The following ARHGAP26 variants were observed in gnomAD, a reference collection of about 807,000 sequenced individuals.
ARHGAP26 encodes Rho GTPase activating protein 26, also known as rho GTPase-activating protein 26.
Under a neutral mutation model 104.8 loss-of-function variants are expected in ARHGAP26, and 38 were observed. The ratio of observed to expected loss-of-function variants is 0.36; its 90% CI spans 0.28 to 0.48. The LOEUF (loss-of-function observed/expected upper bound fraction) is 0.48. Among genes scored for constraint, ARHGAP26 ranks in the 20% least tolerant of loss-of-function variants. ARHGAP26 has a pLI of 0.99. For synonymous variants in ARHGAP26, 341 were observed against 340.0 expected (o/e 1.00, Z -0.03); for missense variants, 704 against 947.9 (o/e 0.74, Z 3.38).
chr5:142,848,537 C>T (rs1410639535), intron 1 of ARHGAP26, among the ~76,000 whole-genome samples: 1 of 152,156 alleles, frequency 6.6e-6, no homozygotes, highest in Non-Finnish European at 1.5e-5. Context: ...TGAGTGCAGG[C>T]GCTCCTCACT....
At chr5:142,994,781 G>A (rs551630698) in intron 11 of ARHGAP26, among the ~76,000 whole-genome samples, 3 of 152,318 alleles carry the variant, frequency 2.0e-5, no homozygotes, top group African/African-American at 7.2e-5. Flanking sequence ...CATGCATAGT[G>A]CCAGCTGCTC....
rs542867534 is a variant in ARHGAP26, at chr5:142,814,848, C to T, written c.154+43933C>T. 1.4e-3 allele frequency among the ~76,000 whole-genome samples: 207 copies of T among 152,278 alleles called. 1 individual carries two copies. The highest frequency in any genetic ancestry group is 4.8e-3 in the African/African-American group (201 of 41,546). On this transcript the variant is annotated intron_variant, in intron 1 of 22. Coordinates refer to ENST00000645722, the MANE Select transcript of ARHGAP26 (RefSeq NM_001135608.3). The stretch of plus-strand genomic sequence containing the variant: ...GTTGTGACAATCAGATGAGATAATG[C>T]GTTAGTGCCTGTAGACAATGCTCAA...
At chr5:143,191,088 A>G (rs1447080292) in intron 20 of ARHGAP26, among the ~76,000 whole-genome samples, 1 of 152,238 alleles carries the variant, frequency 6.6e-6, no homozygotes, top group East Asian at 1.9e-4. Flanking sequence ...TGATGGTGGC[A>G]TTATAAAACT....
chr5:143,110,305 C>T (rs1397768878), intron 17 of ARHGAP26, among the ~76,000 whole-genome samples: 2 of 152,224 alleles, frequency 1.3e-5, no homozygotes, highest in African/African-American at 4.8e-5. Context: ...ACCAGTATAT[C>T]TCCAGCACTT....
chr5:143,138,436 C>G (rs537894841), intron 19 of ARHGAP26, among the ~76,000 whole-genome samples: 38 of 152,284 alleles, frequency 2.5e-4, no homozygotes, highest in African/African-American at 8.4e-4. Flanking sequence ...CATCAGGAAA[C>G]CACTGAATAT....
In ARHGAP26 at chr5:142,806,736, T is replaced by C. The variant is rs138725861; in HGVS notation, c.154+35821T>C. On this transcript the variant is annotated intron_variant, in intron 1 of 22. Coordinates refer to ENST00000645722, the MANE Select transcript of ARHGAP26 (RefSeq NM_001135608.3). Reference sequence around the variant, plus strand: ...TGTACCCCCCCACTACTTAGACATCTAACTCTGTGTTAATATATGCAGTTG... The same window carrying C: ...TGTACCCCCCCACTACTTAGACATCCAACTCTGTGTTAATATATGCAGTTG... Among the ~76,000 whole-genome samples the C allele has an allele frequency of 4.0e-3, 616 of 152,356 alleles. 3 individuals carry two copies. The highest frequency in any genetic ancestry group is 4.1e-3 in the Non-Finnish European group (282 of 68,036).
chr5:143,139,932 A>G (rs1798320848), intron 19 of ARHGAP26, among the ~76,000 whole-genome samples: 1 of 152,234 alleles, frequency 6.6e-6, no homozygotes. Flanking sequence ...CTTGTACCTT[A>G]TAGATTTCTT....
At chr5:143,061,177 C>A (rs1786650770) in intron 17 of ARHGAP26, among the ~76,000 whole-genome samples, 1 of 152,194 alleles carries the variant, frequency 6.6e-6, no homozygotes, top group Non-Finnish European at 1.5e-5. Flanking sequence ...TTTTCTACCT[C>A]TTTGAGCCTC....
At chr5:142,947,095 T>TTAAAAAAAAA (rs1491383996) in intron 11 of ARHGAP26, 7 of 70,670 alleles carry the variant, frequency 9.9e-5, no homozygotes, top group African/African-American at 2.5e-4. Context: ...TTTTTAAAAG[T>TTAAAAAAAAA]AAAAAAAAAA....
At chr5:142,894,689 C>T (rs1430758207) in intron 6 of ARHGAP26, among the ~76,000 whole-genome samples, 2 of 152,200 alleles carry the variant, frequency 1.3e-5, no homozygotes, top group Non-Finnish European at 2.9e-5. Flanking sequence ...TATACCTTAA[C>T]TTCCCTCCTC....
intron 22 of ARHGAP26, among the ~76,000 whole-genome samples, chr5:143,219,731 T>G (rs560944175): frequency 2.6e-5 from 4 of 152,268 alleles, no homozygotes; most frequent in African/African-American, 9.6e-5. Flanking sequence ...TTATAGCTCC[T>G]AACTTCCTGT....
chr5:143,076,713 G>T lies in ARHGAP26; in HGVS notation c.1538+18966G>T, dbSNP rs1210168279. Among the ~76,000 whole-genome samples the T allele has an allele frequency of 9.9e-5, 15 of 152,120 alleles. No homozygotes were observed. The East Asian group carries it at 2.7e-3, about 27-fold the overall frequency. On this transcript the variant is annotated intron_variant, in intron 17 of 22. Transcript: ENST00000645722. ...TTGTGTGTCCAAATATAGACGTCTG[G>T]TATTTGTATATGTGTTGTAATTTTC...
Position 142,873,258 on chromosome 5 carries a change from T to A in ARHGAP26, c.155-142T>A, listed in dbSNP as rs1755594846. 4 of 610,012 alleles carry A rather than the reference T, an allele frequency of 6.6e-6. No individual in the cohort carries two copies. The Admixed American group carries it at 1.1e-4, about 16-fold the overall frequency. 37.8% of individuals were successfully genotyped at this position (610,012 alleles called of 1,614,324 possible). ...GTAACCAAGTGTTGACTATTTTGAA[T>A]TTATATTCTTTTGTGCTTTGAAATG... On this transcript the variant is annotated intron_variant, in intron 1 of 22. Coordinates refer to ENST00000645722, the MANE Select transcript of ARHGAP26 (RefSeq NM_001135608.3).
intron 1 of ARHGAP26, among the ~76,000 whole-genome samples, chr5:142,817,489 A>G (rs971225722): frequency 3.9e-5 from 6 of 152,206 alleles, no homozygotes; most frequent in African/African-American, 1.4e-4. Flanking sequence ...TCCCGGGTTC[A>G]TAAGACAGGT....
intron 17 of ARHGAP26, among the ~76,000 whole-genome samples, chr5:143,061,378 T>C (rs1786676977): frequency 6.6e-6 from 1 of 152,240 alleles, no homozygotes; most frequent in Non-Finnish European, 1.5e-5. Context: ...ACACATACCA[T>C]TCGTAGTGGC....
At chr5:142,980,354 T>TTATTG (rs1196882760) in intron 11 of ARHGAP26, among the ~76,000 whole-genome samples, 1 of 129,402 alleles carries the variant, frequency 7.7e-6, no homozygotes, top group Non-Finnish European at 1.7e-5. Flanking sequence ...CTAGGAACCT[T>TTATTG]TATTTTATTT....
intron 20 of ARHGAP26, among the ~76,000 whole-genome samples, chr5:143,193,716 G>A (rs1806325632): frequency 6.6e-6 from 1 of 152,108 alleles, no homozygotes; most frequent in Non-Finnish European, 1.5e-5. Flanking sequence ...ATATGCTGAG[G>A]CTGCTACGGT....
intron 1 of ARHGAP26, among the ~76,000 whole-genome samples, chr5:142,867,309 GTGTGTGTGTGTGTGTGTGTT>G: frequency 6.8e-6 from 1 of 146,726 alleles, no homozygotes; most frequent in East Asian, 3.4e-4. Context: ...GTGTGTGTGT[GTGTGTGTGTGTGTGTGTGTT>G]TTGTTTGTTT....
chr5:143,203,203 A>G (rs1349305638), intron 20 of ARHGAP26: 2 of 152,224 alleles, frequency 1.3e-5, no homozygotes, highest in Non-Finnish European at 2.9e-5. Flanking sequence ...CAGAATCTAC[A>G]AGGAACTTAA....
Sources: gnomAD v4.1 joint callset for allele counts (sites outside exome capture counted in the v4.1 genomes callset) on GRCh38, gnomAD v4.1.1 for gene constraint, MANE v1.5 for transcripts, NCBI Gene and HGNC (gene_info 2026-07-23, HGNC 2026-07-21) for gene names.